Variants in CASZ1 observed in about 807,000 individuals in gnomAD.
CASZ1 encodes the protein zinc finger protein castor homolog 1.
In CASZ1, 28 loss-of-function variants were observed where a neutral mutation model predicts 135.2. The ratio of observed to expected loss-of-function variants is 0.21; its 90% confidence interval spans 0.15 to 0.28. CASZ1 has a LOEUF of 0.28. Among genes scored for constraint, CASZ1 ranks in the 10% least tolerant of loss-of-function variants. The pLI is 1.00. For missense variants in CASZ1, 2,161 were observed against 2,453.3 expected, an observed-to-expected ratio of 0.88 and a Z score of 2.52; for synonymous variants, 1,068 against 1,073.4, an observed-to-expected ratio of 0.99 and a Z score of 0.10.
chr1:10,644,669 G>A (rs1007072890), intron 18 of CASZ1, among the ~76,000 whole-genome samples: 23 of 152,360 alleles, frequency 1.5e-4, no homozygotes, highest in East Asian at 7.7e-4. Context: ...GTCCCAGGGC[G>A]GCTGTCTGGG....
At chr1:10,714,349 G>GGAAA (rs548008595) in intron 2 of CASZ1, among the ~76,000 whole-genome samples, 1 of 152,098 alleles carries the variant, frequency 6.6e-6, no homozygotes, top group Non-Finnish European at 1.5e-5. Flanking sequence ...AGGAAAGAAA[G>GGAAA]GAAAGAAAGA....
intron 4 of CASZ1, among the ~76,000 whole-genome samples, chr1:10,669,939 C>G (rs1643351684): frequency 1.3e-5 from 2 of 152,222 alleles, no homozygotes; most frequent in Non-Finnish European, 2.9e-5. Flanking sequence ...CCTGCGCGTC[C>G]CTTCTAAACA....
In CASZ1 at chr1:10,776,252, A is replaced by T. The variant is rs1239827785; in HGVS notation, c.-233-15395T>A. ...CATAGAGCGAGCAGTGTTTGCTATTACATTCAATTACCTTTTTACTTGAGA... is the reference window on the plus strand; with the variant it reads ...CATAGAGCGAGCAGTGTTTGCTATTTCATTCAATTACCTTTTTACTTGAGA... On this transcript the variant is annotated intron_variant, in intron 1 of 20. Transcript: ENST00000377022. This position sits in a 1 kb window ranked among gnomAD's most constrained non-coding sequence, Gnocchi z 4.1. 6.6e-6 allele frequency among the ~76,000 whole-genome samples: 1 copy of T among 152,246 alleles called. No individual in the cohort carries two copies. The highest frequency in any genetic ancestry group is 1.5e-5 in the Non-Finnish European group (1 of 68,042).
chr1:10,717,899 C>T lies in CASZ1; in HGVS notation c.-76-12355G>A, dbSNP rs998931916. ...GGAAGAGTCCGGGCAGGCTGGTGGG[C>T]CTTTAAGGCTGTGCAGCCGCTGCGA... On this transcript the variant is annotated intron_variant, in intron 2 of 20. Coordinates refer to ENST00000377022, the MANE Select transcript of CASZ1 (RefSeq NM_001079843.3). This position sits in a 1 kb window ranked among gnomAD's most constrained non-coding sequence, Gnocchi z 4.6. Among the ~76,000 whole-genome samples, 1 of 152,364 alleles carries T rather than the reference C, an allele frequency of 6.6e-6. No homozygotes were observed. The highest frequency in any genetic ancestry group is 1.9e-4 in the East Asian group (1 of 5,188).
intron 8 of CASZ1, 91 bp downstream of exon 8, chr1:10,656,555 C>G (rs1642802423): frequency 3.1e-6 from 3 of 962,812 alleles, no homozygotes; most frequent in Non-Finnish European, 4.8e-6. Flanking sequence ...AGAACTAACC[C>G]CCCCCACTGC....
chr1:10,642,562 C>T (rs890076171), intron 20 of CASZ1, among the ~76,000 whole-genome samples: 18 of 152,094 alleles, frequency 1.2e-4, no homozygotes, highest in East Asian at 3.9e-4. Context: ...GGGCCCAGGC[C>T]GGGTGGGAGG....
At position 10,653,659 on chromosome 1, in the gene CASZ1, G is replaced by T; in HGVS notation, c.2398C>A (p.Pro800Thr). 1 of 1,555,840 alleles carries T rather than the reference G, an allele frequency of 6.4e-7. No homozygotes were observed. The highest frequency in any genetic ancestry group is 1.2e-5 in the South Asian group (1 of 81,342). ...CGGCCAGCCAGTATGGGGAAGTAGG[G>T]CGTGGGGGTGGGCAGGCCCGAGTTG... ...LSNSGLPTPTPYFPILAGRGS... is the reference protein window; with the variant it reads ...LSNSGLPTPTTYFPILAGRGS... Residue 800 changes from proline (P) to threonine (T), a missense_variant, in exon 11 of 21, where the codon CCC becomes ACC. By Grantham distance (38) the Pro-to-Thr change is conservative. This residue lies in a region of CASZ1 where 406 missense variants were observed against 387.6 expected (regional missense o/e 1.05). Coordinates refer to ENST00000377022, the MANE Select transcript of CASZ1 (RefSeq NM_001079843.3).
intron 4 of CASZ1, among the ~76,000 whole-genome samples, chr1:10,669,705 G>A (rs1643345419): frequency 6.6e-6 from 1 of 152,098 alleles, no homozygotes; most frequent in Non-Finnish European, 1.5e-5. Context: ...GGGAGGAGAG[G>A]CTGCAGTGCC....
chr1:10,647,716 G>A lies in CASZ1; in HGVS notation c.3497+85C>T. The stretch of plus-strand genomic sequence containing the variant: ...GGACAGCAGCACCATCCGCAGTGAG[G>A]AACAGGGCCTCCTAGCGCCCTTGCT... On this transcript the variant is annotated intron_variant, in intron 16 of 20. Coordinates refer to ENST00000377022, the MANE Select transcript of CASZ1 (RefSeq NM_001079843.3). The surrounding 1 kb of genome is among the most constrained non-coding windows in gnomAD (Gnocchi z 4.9). 2 of 1,588,806 alleles carry A rather than the reference G, an allele frequency of 1.3e-6. No individual in the cohort carries two copies. The highest frequency in any genetic ancestry group is 8.5e-7 in the Non-Finnish European group (1 of 1,174,050).
rs1336205615 is a variant in CASZ1, at chr1:10,788,774, G to C, written c.-234+7790C>G. Among the ~76,000 whole-genome samples the C allele has an allele frequency of 6.6e-6, 1 of 152,172 alleles. No homozygotes were observed. The highest frequency in any genetic ancestry group is 1.5e-5 in the Non-Finnish European group (1 of 68,016). The stretch of plus-strand genomic sequence containing the variant: ...CTGGTCACTGGCAGGGCTGGCCCGG[G>C]AGCTGTGCCATGCCCTGGGCCAGCG... On this transcript the variant is annotated intron_variant, in intron 1 of 20. Transcript: ENST00000377022. This position sits in a 1 kb window ranked among gnomAD's most constrained non-coding sequence, Gnocchi z 4.1.
chr1:10,746,661 G>A (rs917051813), intron 2 of CASZ1, among the ~76,000 whole-genome samples: 6 of 152,190 alleles, frequency 3.9e-5, no homozygotes, highest in African/African-American at 1.2e-4. Context: ...GCCTGGACCC[G>A]GGACCTTCTC....
intron 6 of CASZ1, 76 bp from the exon 7 acceptor site, chr1:10,658,652 C>A: frequency 1.5e-6 from 2 of 1,339,326 alleles, no homozygotes; most frequent in South Asian, 1.2e-5. Flanking sequence ...TGGTGGGCAG[C>A]CCCTGCCCTG....
chr1:10,746,258 A>G (rs760050387), intron 2 of CASZ1, among the ~76,000 whole-genome samples: 10 of 152,140 alleles, frequency 6.6e-5, no homozygotes, highest in Non-Finnish European at 1.3e-4. Context: ...CATCACTCAC[A>G]CGTGCGCGCA....
In CASZ1 at chr1:10,637,352, C is replaced by T. The variant is rs905316923; in HGVS notation, c.*1590G>A. ...ATCAGGTACGCTCCGTGCGACCACT[C>T]CTCCCTCCCTGCTCCCTGTCCAGTT... On this transcript the variant is annotated 3_prime_UTR_variant, in exon 21 of 21. Transcript: ENST00000377022. 2.0e-5 allele frequency: 3 copies of T among 152,582 alleles called. No individual in the cohort carries two copies. The highest frequency in any genetic ancestry group is 7.2e-5 in the African/African-American group (3 of 41,436). The allele number at this position is 152,582 out of a possible 1,614,324, so 9.5% of individuals were successfully genotyped here.
chr1:10,693,994 G>A, intron 3 of CASZ1, 82 bp from the exon 4 acceptor site: 1 of 1,374,256 alleles, frequency 7.3e-7, no homozygotes. Flanking sequence ...CGCCCGCCCT[G>A]CTTGTCCCCC....
Position 10,639,652 on chromosome 1 carries a change from A to G in CASZ1, c.4570T>C (p.Cys1524Arg). 1 of 1,605,672 alleles carries G rather than the reference A, an allele frequency of 6.2e-7. No homozygotes were observed. The highest frequency in any genetic ancestry group is 8.5e-7 in the Non-Finnish European group (1 of 1,177,888). The part of the protein sequence containing the change: ...HFHCLRCRFR[C>R]TDSTKVTAHR... ...GCCGTGACCTTGGTGCTGTCGGTGC[A>G]GCGGAAGCGGCAGCGCAGGCAGTGG... The change falls in exon 21 of 21, where the codon TGC becomes CGC. Residue 1524 changes from cysteine to arginine, a missense_variant. Cys to Arg is a radical substitution (Grantham distance 180). Around this residue, in one of 7 missense-constraint regions of CASZ1, gnomAD observed 240 missense variants for 321.4 expected, o/e 0.75. Transcript: ENST00000377022. The surrounding 1 kb of genome is among the most constrained non-coding windows in gnomAD (Gnocchi z 4.0).
intron 4 of CASZ1, among the ~76,000 whole-genome samples, chr1:10,670,346 C>T (rs1308532257): frequency 6.6e-6 from 1 of 152,244 alleles, no homozygotes; most frequent in Non-Finnish European, 1.5e-5. Context: ...AGCCCAACTG[C>T]CACCAGGCTC....
chr1:10,765,860 C>T (rs1570574123), intron 1 of CASZ1, among the ~76,000 whole-genome samples: 5 of 152,226 alleles, frequency 3.3e-5, no homozygotes, highest in Non-Finnish European at 5.9e-5. Context: ...GTATCACTCA[C>T]CCCACAGTTA....
chr1:10,685,983 C>T (rs917802747), intron 4 of CASZ1, among the ~76,000 whole-genome samples: 1 of 152,224 alleles, frequency 6.6e-6, no homozygotes, highest in Non-Finnish European at 1.5e-5. Flanking sequence ...GCCTGTCCCC[C>T]AGCCAGCAAG....
Sources: allele counts gnomAD v4.1 joint callset (sites outside exome capture counted in the v4.1 genomes callset), GRCh38; gene constraint gnomAD v4.1.1; regional missense constraint gnomAD v4.1.1; non-coding constraint Gnocchi (gnomAD v3.1); transcripts MANE v1.5; gene names NCBI Gene and HGNC (gene_info 2026-07-23, HGNC 2026-07-21).